RPGRIP1: variants seen among roughly 807,000 people sequenced by gnomAD.
The protein encoded by RPGRIP1 is RPGR interacting protein 1, also known as X-linked retinitis pigmentosa GTPase regulator-interacting protein 1.
Under a neutral mutation model 157.9 loss-of-function variants are expected in RPGRIP1, and 128 were observed. The ratio of observed to expected loss-of-function variants is 0.81; its 90% CI spans 0.70 to 0.94. The LOEUF is 0.94. RPGRIP1 is among the 40% of genes least tolerant of loss of function. The pLI is 0.00. For missense variants in RPGRIP1, 1,486 were observed against 1,545.8 expected, an observed-to-expected ratio of 0.96 and a Z score of 0.65; for synonymous variants, 554 against 571.6, an observed-to-expected ratio of 0.97 and a Z score of 0.44.
chr14:21,338,219 C>G (rs1566360271), intron 21 of RPGRIP1, among the ~76,000 whole-genome samples: 2 of 152,068 alleles, frequency 1.3e-5, no homozygotes, highest in South Asian at 4.1e-4. Flanking sequence ...CCTGGCCTCC[C>G]TCTTCTTAAC....
At chr14:21,313,271 G>A (rs1432457968) in intron 10 of RPGRIP1, among the ~76,000 whole-genome samples, 1 of 151,728 alleles carries the variant, frequency 6.6e-6, no homozygotes, top group Non-Finnish European at 1.5e-5. Context: ...GGAGGCAGAG[G>A]TGGGAGGATA....
chr14:21,316,458 C>A (rs924027940), intron 10 of RPGRIP1, among the ~76,000 whole-genome samples: 1 of 152,062 alleles, frequency 6.6e-6, no homozygotes, highest in Non-Finnish European at 1.5e-5. Context: ...ACACTGTTAC[C>A]TGGGCTGGTG....
chr14:21,298,181 C>T (rs1436568024), intron 3 of RPGRIP1, among the ~76,000 whole-genome samples: 1 of 151,916 alleles, frequency 6.6e-6, no homozygotes, highest in Non-Finnish European at 1.5e-5. Flanking sequence ...GAACTTGTTT[C>T]ATGTTGATGT....
At chr14:21,289,432 G>A (rs1054939975) in intron 2 of RPGRIP1, among the ~76,000 whole-genome samples, 7 of 152,026 alleles carry the variant, frequency 4.6e-5, no homozygotes, top group Non-Finnish European at 1.0e-4. Context: ...ACTTGAGCCC[G>A]GGAGTCCAAG....
chr14:21,295,454 T>C (rs951002619), intron 3 of RPGRIP1, among the ~76,000 whole-genome samples: 2 of 136,584 alleles, frequency 1.5e-5, no homozygotes, highest in Admixed American at 8.0e-5. Flanking sequence ...CATTTATTTA[T>C]TTATTTATTT....
intron 1 of RPGRIP1, among the ~76,000 whole-genome samples, chr14:21,286,486 A>G (rs1381467061): frequency 6.7e-6 from 1 of 149,752 alleles, no homozygotes; most frequent in Non-Finnish European, 1.5e-5. Flanking sequence ...AGCCATGCCA[A>G]GAGAAATGTT....
chr14:21,344,527 G>T (rs1203027848), intron 22 of RPGRIP1, among the ~76,000 whole-genome samples: 1 of 152,030 alleles, frequency 6.6e-6, no homozygotes, highest in Non-Finnish European at 1.5e-5. Flanking sequence ...TATTTTAATG[G>T]ATCATATTTT....
intron 20 of RPGRIP1, among the ~76,000 whole-genome samples, chr14:21,334,132 G>A (rs1297623716): frequency 6.6e-6 from 1 of 151,952 alleles, no homozygotes; most frequent in African/African-American, 2.4e-5. Flanking sequence ...ATGTTGGCCA[G>A]GCTGGTCTAA....
chr14:21,294,568 T>C, intron 2 of RPGRIP1, 109 bp from the exon 3 acceptor site: 1 of 1,120,786 alleles, frequency 8.9e-7, no homozygotes, highest in South Asian at 1.5e-5. Flanking sequence ...TCATAAATAC[T>C]TGACTCAAGA....
At chr14:21,338,041 C>G (rs144504044) in intron 21 of RPGRIP1, among the ~76,000 whole-genome samples, 3 of 152,108 alleles carry the variant, frequency 2.0e-5, no homozygotes, top group African/African-American at 7.2e-5. Context: ...CTCACCCTCC[C>G]GAGTAGCTGG....
At position 21,325,817 on chromosome 14, in the gene RPGRIP1, C is replaced by A; in HGVS notation, c.2368-14C>A. 6.3e-7 allele frequency: 1 copy of A among 1,596,356 alleles called. No individual in the cohort carries two copies. The highest frequency in any genetic ancestry group is 8.6e-7 in the Non-Finnish European group (1 of 1,167,624). ...GCTGCCCTTTTCCTCAATCCATGACCAACATCTTTCCAGTTCAGATCGGAG... is the reference window on the plus strand; with the variant it reads ...GCTGCCCTTTTCCTCAATCCATGACAAACATCTTTCCAGTTCAGATCGGAG... On this transcript the variant is annotated splice_polypyrimidine_tract_variant and intron_variant, in intron 16 of 24. Transcript: ENST00000400017.
At chr14:21,307,671 A>C in intron 6 of RPGRIP1, 60 bp from the exon 7 acceptor site, 1 of 1,106,668 alleles carries the variant, frequency 9.0e-7, no homozygotes, top group Non-Finnish European at 1.3e-6. Context: ...ATAGTCAAGG[A>C]GAAAATGTCT....
chr14:21,351,066 T>A, intron 24 of RPGRIP1, 38 bp from the exon 25 acceptor site: 1 of 1,191,908 alleles, frequency 8.4e-7, no homozygotes. Context: ...ATCAAAGTGT[T>A]CAACTGAGTG....
chr14:21,343,866 G>GTTTTTTTTTTTTTTTTTTTTTT lies in RPGRIP1; in HGVS notation c.3532+658_3532+679dup, dbSNP rs67535379. Among the ~76,000 whole-genome samples the GTTTTTTTTTTTTTTTTTTTTTT allele has an allele frequency of 2.0e-4, 10 of 50,422 alleles. 1 individual carries two copies. The highest frequency in any genetic ancestry group is 2.5e-4 in the Non-Finnish European group (7 of 27,776). The allele number at this position is 50,422 out of a possible 152,430, so 33.1% of individuals were successfully genotyped here. ...TGATTTTTGTTCTTCCTCTTTTCCTGTTTTTTTTTTTTTTTTTTTTTTTTT... is the reference window on the plus strand; with the variant it reads ...TGATTTTTGTTCTTCCTCTTTTCCTGTTTTTTTTTTTTTTTTTTTTTTTTTTTTTTTTTTTTTTTTTTTTTTT... On this transcript the variant is annotated intron_variant, in intron 22 of 24. Transcript: ENST00000400017.
rs2139289012 is a variant in RPGRIP1 at position 21,334,717 on chromosome 14, GGAGTAATCATT to G, written c.3339+14_3339+24del. 1.3e-6 allele frequency: 2 copies of G among 1,497,374 alleles called. No individual in the cohort carries two copies. 92.8% of individuals were successfully genotyped at this position (1,497,374 alleles called of 1,614,324 possible). On this transcript the variant is annotated intron_variant, in intron 21 of 24. Transcript: ENST00000400017. ...AATATCCTAAGGCAGTAAGTACACTGGAGTAATCATTGCATACGAGATAAGACGATAAATAA... is the reference window on the plus strand; with the variant it reads ...AATATCCTAAGGCAGTAAGTACACTGGCATACGAGATAAGACGATAAATAA...
chr14:21,305,289 T>C (rs569966822), intron 6 of RPGRIP1, among the ~76,000 whole-genome samples: 3 of 152,226 alleles, frequency 2.0e-5, no homozygotes, highest in African/African-American at 7.2e-5. Context: ...GAATGTCATA[T>C]AGTTGGGATT....
At chr14:21,308,175 A>G (rs757395548) in intron 7 of RPGRIP1, among the ~76,000 whole-genome samples, 1 of 152,222 alleles carries the variant, frequency 6.6e-6, no homozygotes, top group Non-Finnish European at 1.5e-5. Flanking sequence ...GTCACAGGGA[A>G]GGGAAGGAAA....
At chr14:21,316,748 A>G (rs1351030450) in intron 10 of RPGRIP1, among the ~76,000 whole-genome samples, 1 of 152,236 alleles carries the variant, frequency 6.6e-6, no homozygotes, top group African/African-American at 2.4e-5. Flanking sequence ...ATTTACTAAA[A>G]TGATAAATAA....
chr14:21,285,008 C>T (rs772982247), intron 1 of RPGRIP1, among the ~76,000 whole-genome samples: 4 of 150,174 alleles, frequency 2.7e-5, no homozygotes, highest in Admixed American at 1.3e-4. Context: ...TGAGTACCTG[C>T]TATGTGCCAA....
Sources: gnomAD v4.1 joint callset for allele counts (sites outside exome capture counted in the v4.1 genomes callset) on GRCh38, gnomAD v4.1.1 for gene constraint, MANE v1.5 for transcripts, NCBI Gene and HGNC (gene_info 2026-07-23, HGNC 2026-07-21) for gene names.